OSTN: variants seen among roughly 807,000 people sequenced by gnomAD.
The protein encoded by OSTN is osteocrin.
Under a neutral mutation model 12.0 loss-of-function variants are expected in OSTN, and 9 were observed. The ratio of observed to expected loss-of-function variants is 0.75; its 90% CI spans 0.45 to 1.30. The LOEUF (loss-of-function observed/expected upper bound fraction) is 1.30, where lower values mean the gene tolerates loss of function less well. Among genes scored for constraint, OSTN ranks in the 50% most tolerant of loss-of-function variants. The pLI is 0.00. For synonymous variants in OSTN, 59 were observed against 56.9 expected, an observed-to-expected ratio of 1.04 and a Z score of -0.16; for missense variants, 148 against 152.3, an observed-to-expected ratio of 0.97 and a Z score of 0.15.
intron 2 of OSTN, among the ~76,000 whole-genome samples, chr3:191,214,941 G>A (rs1714569440): frequency 6.6e-6 from 1 of 152,184 alleles, no homozygotes; most frequent in South Asian, 2.1e-4. Flanking sequence ...GATCCTGGGA[G>A]GCAGAGGTTG....
chr3:191,214,801 T>G (rs1714565017), intron 2 of OSTN, among the ~76,000 whole-genome samples: 1 of 152,120 alleles, frequency 6.6e-6, no homozygotes, highest in Non-Finnish European at 1.5e-5. Context: ...TCACTTGAGG[T>G]CAGGAGTTCA....
intron 3 of OSTN, among the ~76,000 whole-genome samples, chr3:191,241,867 C>T (rs1432589234): frequency 6.6e-6 from 1 of 152,132 alleles, no homozygotes; most frequent in Non-Finnish European, 1.5e-5. Flanking sequence ...ATTCTCAACT[C>T]ATTTAATGAG....
chr3:191,250,305 C>T (rs1715530495), intron 4 of OSTN, among the ~76,000 whole-genome samples, 172 bp downstream of exon 4: 2 of 152,144 alleles, frequency 1.3e-5, no homozygotes, highest in African/African-American at 2.4e-5. Context: ...TGTTAAATAA[C>T]TTAAATGATA....
chr3:191,204,735 T>C (rs2108587742), intron 1 of OSTN, among the ~76,000 whole-genome samples: 1 of 152,364 alleles, frequency 6.6e-6, no homozygotes, highest in African/African-American at 2.4e-5. Flanking sequence ...TTGTCACTTA[T>C]TGAAATATCG....
At chr3:191,244,505 T>C (rs1715388243) in intron 3 of OSTN, among the ~76,000 whole-genome samples, 2 of 150,856 alleles carry the variant, frequency 1.3e-5, no homozygotes, top group South Asian at 4.2e-4. Flanking sequence ...TTCAAGATTA[T>C]ATTCTCTATC....
At chr3:191,262,466 CA>C (rs536765943) in intron 4 of OSTN, among the ~76,000 whole-genome samples, 14 of 152,238 alleles carry the variant, frequency 9.2e-5, no homozygotes, top group Admixed American at 2.6e-4. Context: ...ATACAACTTT[CA>C]ATGTGTTATA....
chr3:191,234,321 C>G (rs1394345772), intron 3 of OSTN, among the ~76,000 whole-genome samples: 6 of 152,108 alleles, frequency 3.9e-5, no homozygotes, highest in Non-Finnish European at 8.8e-5. Flanking sequence ...GATGGCACAG[C>G]AGCCCACGGT....
chr3:191,231,219 C>G (rs906609860), intron 3 of OSTN, among the ~76,000 whole-genome samples: 2 of 151,876 alleles, frequency 1.3e-5, no homozygotes, highest in African/African-American at 4.8e-5. Flanking sequence ...TAAAATATTT[C>G]TATAGACATT....
chr3:191,214,451 A>C (rs1255081166), intron 2 of OSTN, among the ~76,000 whole-genome samples: 1 of 150,826 alleles, frequency 6.6e-6, no homozygotes, highest in Non-Finnish European at 1.5e-5. Flanking sequence ...AAAAAAAAAA[A>C]AAAAAAAAAA....
intron 3 of OSTN, among the ~76,000 whole-genome samples, chr3:191,232,534 A>C (rs947186659): frequency 2.7e-5 from 4 of 148,808 alleles, no homozygotes; most frequent in African/African-American, 7.4e-5. Flanking sequence ...AATTATGTTT[A>C]TTTTTATTTT....
chr3:191,215,229 A>G (rs1052363978), intron 2 of OSTN, among the ~76,000 whole-genome samples: 10 of 152,198 alleles, frequency 6.6e-5, no homozygotes, highest in African/African-American at 2.4e-4. Flanking sequence ...ACTCACTATC[A>G]TGAGAACAGC....
chr3:191,216,861 C>T (rs1044304887), intron 2 of OSTN, among the ~76,000 whole-genome samples: 17 of 152,184 alleles, frequency 1.1e-4, no homozygotes, highest in African/African-American at 3.4e-4. Flanking sequence ...AACTTTCCCA[C>T]GTCCTCCTGT....
At chr3:191,239,385 C>G (rs1467270275) in intron 3 of OSTN, among the ~76,000 whole-genome samples, 1 of 152,138 alleles carries the variant, frequency 6.6e-6, no homozygotes, top group Non-Finnish European at 1.5e-5. Flanking sequence ...TCTGTCATAG[C>G]TGAAATGTGA....
rs375384001 is a variant in OSTN at position 191,249,712 on chromosome 3, G to A, written c.318-325G>A. Among the ~76,000 whole-genome samples the A allele has an allele frequency of 9.2e-5, 14 of 152,204 alleles. No individual in the cohort carries two copies. In the East Asian group the frequency reaches 2.3e-3, roughly 25 times the overall value. The stretch of plus-strand genomic sequence containing the variant: ...AGAAAAATAAAATTTGAAGGGGGAC[G>A]GGATTTTCTCAAACTAAAGCACTTA... On this transcript the variant is annotated intron_variant, in intron 3 of 4. Coordinates refer to ENST00000682035, the MANE Select transcript of OSTN (RefSeq NM_198184.2).
At chr3:191,225,641 G>T (rs911863423) in intron 3 of OSTN, among the ~76,000 whole-genome samples, 3 of 152,074 alleles carry the variant, frequency 2.0e-5, no homozygotes, top group Non-Finnish European at 4.4e-5. Flanking sequence ...ATACTACACA[G>T]CCATAAAAAA....
intron 4 of OSTN, among the ~76,000 whole-genome samples, chr3:191,259,976 T>A (rs1715769176): frequency 6.8e-6 from 1 of 147,706 alleles, no homozygotes; most frequent in South Asian, 2.2e-4. Flanking sequence ...TGCCTCAGCC[T>A]CCGGGGTAGC....
chr3:191,218,559 A>G (rs552329812), intron 2 of OSTN, among the ~76,000 whole-genome samples, 188 bp from the exon 3 acceptor site: 1 of 152,302 alleles, frequency 6.6e-6, no homozygotes, highest in African/African-American at 2.4e-5. Context: ...GGAAGTGGAC[A>G]TTGCAGTGAG....
intron 3 of OSTN, among the ~76,000 whole-genome samples, chr3:191,245,985 T>C (rs1386155376): frequency 6.9e-6 from 1 of 144,412 alleles, no homozygotes; most frequent in Admixed American, 7.3e-5. Context: ...GAGAATTGCT[T>C]GAACCCGGGA....
chr3:191,251,681 G>A (rs1224021396), intron 4 of OSTN, among the ~76,000 whole-genome samples: 2 of 152,184 alleles, frequency 1.3e-5, no homozygotes. Context: ...GTTAATGAAT[G>A]TCTATAGATA....
Sources: allele counts gnomAD v4.1 joint callset (sites outside exome capture counted in the v4.1 genomes callset), GRCh38; gene constraint gnomAD v4.1.1; transcripts MANE v1.5; gene names NCBI Gene and HGNC (gene_info 2026-07-23, HGNC 2026-07-21).